Variants in C11orf98 observed in about 807,000 individuals in gnomAD.
C11orf98 encodes 28S rRNA/ribosome and sororin micro-cofactor.
C11orf98 carries 7 observed loss-of-function variants against 10.9 expected under a neutral mutation model. The observed-to-expected ratio is 0.64, with a 90% confidence interval of 0.37 to 1.21. C11orf98 has a LOEUF of 1.21. Ranked by LOEUF, C11orf98 falls within the 50% of genes most tolerant of loss-of-function variation. The pLI is 0.02. For missense variants in C11orf98, 181 were observed against 153.7 expected (o/e 1.18, Z -0.94); for synonymous variants, 70 against 57.2 (o/e 1.22, Z -1.01).
Position 62,664,940 on chromosome 11 carries a change from C to T in C11orf98, c.73G>A (p.Val25Met), listed in dbSNP as rs773044324. The change falls in exon 2 of 4, where the codon GTG (valine) becomes ATG (methionine). Residue 25 changes from valine (V) to methionine (M), a missense_variant. Val to Met is a conservative substitution (Grantham distance 21). Transcript: ENST00000524958. Reference protein sequence around the residue: ...LKKKLFKRRRVLNRERRLRHR... With the variant: ...LKKKLFKRRRMLNRERRLRHR... Reference sequence around the variant, plus strand: ...CTCAGACGCCGCTCCCGATTCAACACCCGCCGGCGTTTGAACAGCTTCTTC... The same window carrying T: ...CTCAGACGCCGCTCCCGATTCAACATCCGCCGGCGTTTGAACAGCTTCTTC... 29 of 1,610,282 alleles carry T rather than the reference C, an allele frequency of 1.8e-5. No individual in the cohort carries two copies. Among genetic ancestry groups the T allele is most frequent in the Non-Finnish European group, 2.5e-5 (29 of 1,178,634 alleles).
intron 2 of C11orf98, among the ~76,000 whole-genome samples, chr11:62,664,613 G>A (rs1944743773): frequency 6.6e-6 from 1 of 152,140 alleles, no homozygotes; most frequent in Admixed American, 6.6e-5. Flanking sequence ...TTACAGGTAT[G>A]AGCCACCATC....
intron 2 of C11orf98, 85 bp downstream of exon 2, chr11:62,664,764 T>G: frequency 6.7e-7 from 1 of 1,502,222 alleles, no homozygotes; most frequent in Non-Finnish European, 9.0e-7. Flanking sequence ...CAAGGTGAGC[T>G]GAGAGGTGAA....
intron 1 of C11orf98, 40 bp from the exon 2 acceptor site, chr11:62,665,013 G>T (rs751030617): frequency 4.4e-6 from 7 of 1,602,578 alleles, no homozygotes; most frequent in Non-Finnish European, 5.9e-6. Context: ...GAGTGGGCTC[G>T]CCGCGACCCG....
intron 2 of C11orf98, 52 bp from the exon 3 acceptor site, chr11:62,663,385 G>A (rs1346414248): frequency 1.3e-6 from 2 of 1,559,698 alleles, no homozygotes; most frequent in Non-Finnish European, 1.8e-6. Flanking sequence ...ACCAACTGAG[G>A]TCACACAAAT....
chr11:62,665,101 G>A (rs1944758198), intron 1 of C11orf98, 30 bp downstream of exon 1: 1 of 1,397,068 alleles, frequency 7.2e-7, no homozygotes, highest in South Asian at 1.2e-5. Flanking sequence ...AACGCTTGAG[G>A]AAACAAAGTC....
Position 62,663,104 on chromosome 11 carries a change from C to T in C11orf98, c.318G>A (p.Lys106=). ...CTACATCCTGGGGGGCTTTTGTCTT[C>T]TTTTGCCTTTTGAGCTGTGGTTCAC... ...RTSEPQLKRQ[K]KTKAPQDVEM... is the part of the protein sequence containing the mutation. Residue 106 remains lysine (K), a synonymous_variant, in exon 4 of 4, where the codon AAG becomes AAA. Coordinates refer to ENST00000524958, the MANE Select transcript of C11orf98 (RefSeq NM_001286086.2). 6.2e-7 allele frequency: 1 copy of T among 1,613,862 alleles called. No homozygotes were observed. Among genetic ancestry groups the T allele is most frequent in the Non-Finnish European group, 8.5e-7 (1 of 1,179,876 alleles).
Position 62,665,131 on chromosome 11 carries a change from C to G in C11orf98, c.39G>C (p.Thr13=), listed in dbSNP as rs747361034. The G allele has an allele frequency of 9.2e-7, 1 of 1,086,650 alleles. No individual in the cohort carries two copies. Among genetic ancestry groups the G allele is most frequent in the Non-Finnish European group, 1.4e-6 (1 of 736,232 alleles). 67.3% of individuals were successfully genotyped at this position (1,086,650 alleles called of 1,614,324 possible). A position where few individuals can be genotyped will look rare whatever the true frequency, so the allele number is the denominator to read the frequency against. Residue 13 remains threonine, a splice_region_variant and synonymous_variant, in exon 1 of 4, where the codon ACG becomes ACC. Transcript: ENST00000524958. ...AAAGTCGCGGCCCCCACACAGTCAC[C>G]GTTCGGGGCCGGTTGATCTTTCCCC... is the stretch of plus-strand genomic sequence containing the variant. ...APGGKINRPR[T]ELKKKLFKRR... is the part of the protein sequence containing the mutation.
rs760627897 is a variant in C11orf98, at chr11:62,663,251, T to C, written c.247A>G (p.Lys83Glu). ...CCAGCCTCACCTTCCATGGCTGTCT[T>C]CTCTTTCTGGGCAAGCCGGATCTGC... is the stretch of plus-strand genomic sequence containing the variant. ...LQQIRLAQKE[K>E]TAMEVEAPSK... is the part of the protein sequence containing the mutation. The change falls in exon 3 of 4, where the codon AAG becomes GAG. Residue 83 changes from lysine to glutamate, a missense_variant. By Grantham distance (56) the Lys-to-Glu change is moderately conservative. Coordinates refer to ENST00000524958, the MANE Select transcript of C11orf98 (RefSeq NM_001286086.2). The C allele has an allele frequency of 3.1e-6, 5 of 1,614,166 alleles. No individual in the cohort carries two copies. The highest frequency in any genetic ancestry group is 4.2e-6 in the Non-Finnish European group (5 of 1,180,026).
chr11:62,664,846 T>TAA lies in C11orf98; in HGVS notation c.164+2_164+3insTT. ...ACCAACAGGAAGAGGGTCTAGTACT[T>TAA]ACGCCCGCTTCTTGAGGTGGTGCCG... On this transcript the variant is annotated splice_region_variant and intron_variant, in intron 2 of 3. Transcript: ENST00000524958. 3 of 1,563,538 alleles carry TAA rather than the reference T, an allele frequency of 1.9e-6. No individual in the cohort carries two copies. The highest frequency in any genetic ancestry group is 1.7e-6 in the Non-Finnish European group (2 of 1,153,672).
intron 2 of C11orf98, 112 bp from the exon 3 acceptor site, chr11:62,663,445 G>A (rs888412385): frequency 8.1e-6 from 9 of 1,115,780 alleles, no homozygotes; most frequent in Non-Finnish European, 1.1e-5. Context: ...AGTGGCTCAC[G>A]CCTGTAATCC....
At chr11:62,664,219 G>C (rs748789595) in intron 2 of C11orf98, among the ~76,000 whole-genome samples, 2 of 151,416 alleles carry the variant, frequency 1.3e-5, no homozygotes, top group Non-Finnish European at 2.9e-5. Flanking sequence ...AGTTTTATGC[G>C]CCTATGTGTG....
chr11:62,664,753 ACAAGGTG>A, intron 2 of C11orf98, 89 bp downstream of exon 2: 1 of 1,466,048 alleles, frequency 6.8e-7, no homozygotes, highest in Non-Finnish European at 9.2e-7. Context: ...GCGTCAGTGC[ACAAGGTG>A]AGCTGAGAGG....
At chr11:62,663,902 G>C (rs1230779685) in intron 2 of C11orf98, among the ~76,000 whole-genome samples, 3 of 149,880 alleles carry the variant, frequency 2.0e-5, no homozygotes, top group African/African-American at 7.4e-5. Context: ...GTGAAACCCC[G>C]TCTCTACTAA....
At chr11:62,663,685 C>A (rs1253723650) in intron 2 of C11orf98, among the ~76,000 whole-genome samples, 43 of 143,252 alleles carry the variant, frequency 3.0e-4, no homozygotes, top group Admixed American at 4.2e-4. Context: ...CAAAGCGAGA[C>A]TCCGTCTCAA....
intron 2 of C11orf98, among the ~76,000 whole-genome samples, chr11:62,664,082 GA>G (rs71056540): frequency 0.35 from 22,835 of 66,046 alleles, 2,180 homozygotes; most frequent in Non-Finnish European, 0.42. Context: ...CAAAAAAGAG[GA>G]AAAAAAAAAA....
chr11:62,664,881 C>A lies in C11orf98; in HGVS notation c.132G>T (p.Gly44=). The A allele has an allele frequency of 1.3e-6, 2 of 1,584,966 alleles. No individual in the cohort carries two copies. Among genetic ancestry groups the A allele is most frequent in the South Asian group, 2.3e-5 (2 of 87,442 alleles). ...HRVVGAVIDQ[G]LITRHHLKKR... ...TCTTGAGGTGGTGCCGCGTGATCAGCCCTTGGTCTATCACAGCCCCGACCA... is the reference window on the plus strand; with the variant it reads ...TCTTGAGGTGGTGCCGCGTGATCAGACCTTGGTCTATCACAGCCCCGACCA... Residue 44 remains glycine, a synonymous_variant, in exon 2 of 4, where the codon GGG becomes GGT. Transcript: ENST00000524958.
chr11:62,663,588 G>A (rs938186557), intron 2 of C11orf98, among the ~76,000 whole-genome samples: 1 of 151,906 alleles, frequency 6.6e-6, no homozygotes, highest in Non-Finnish European at 1.5e-5. Flanking sequence ...CAGCTACTCG[G>A]GAGGCTGCGG....
intron 2 of C11orf98, among the ~76,000 whole-genome samples, chr11:62,664,152 A>G (rs1179626755): frequency 1.3e-5 from 2 of 151,132 alleles, no homozygotes; most frequent in Non-Finnish European, 2.9e-5. Context: ...CTCAAGACAC[A>G]GGAGGCCTTG....
In C11orf98 at chr11:62,663,261, G is replaced by C; in HGVS notation, c.237C>G (p.Ala79=). ...CTTCCATGGCTGTCTTCTCTTTCTG[G>C]GCAAGCCGGATCTGCTGGAGGAGTT... ...RRKLLQQIRL[A]QKEKTAMEVE... is the part of the protein sequence containing the mutation. Residue 79 remains alanine, a synonymous_variant, in exon 3 of 4, where the codon GCC becomes GCG. Transcript: ENST00000524958. 1.2e-6 allele frequency: 2 copies of C among 1,614,140 alleles called. 1 individual carries two copies. The highest frequency in any genetic ancestry group is 3.3e-4 in the Middle Eastern group (2 of 6,062).
Sources: gnomAD v4.1 joint callset for allele counts (sites outside exome capture counted in the v4.1 genomes callset) on GRCh38, gnomAD v4.1.1 for gene constraint, MANE v1.5 for transcripts, NCBI Gene and HGNC (gene_info 2026-07-23, HGNC 2026-07-21) for gene names.